The following PDE10A variants were observed in gnomAD, a reference collection of about 807,000 sequenced individuals.
The protein encoded by PDE10A is cAMP and cAMP-inhibited cGMP 3',5'-cyclic phosphodiesterase 10A.
A neutral mutation model predicts 97.7 loss-of-function variants in PDE10A; 39 were observed. The ratio of observed to expected loss-of-function variants is 0.40; its 90% CI spans 0.31 to 0.52. The LOEUF is 0.52. Ranked by LOEUF, PDE10A falls within the 20% of genes least tolerant of loss-of-function variation. The pLI is 0.56. For synonymous variants in PDE10A, 371 were observed against 376.8 expected, an observed-to-expected ratio of 0.98 and a Z score of 0.18; for missense variants, 731 against 1,047.8, an observed-to-expected ratio of 0.70 and a Z score of 4.17.
rs188612148 is a variant in PDE10A at position 165,762,763 on chromosome 6, T to G, written c.-614-219195A>C. ...TAACAAACAATTGTTCACTTTTCTC[T>G]GGGACATATATTTGGCTTTCTCTAG... On this transcript the variant is annotated intron_variant, in intron 1 of 19. Transcript: ENST00000366882. Among the ~76,000 whole-genome samples, 518 of 152,306 alleles carry G rather than the reference T, an allele frequency of 3.4e-3. 2 individuals carry two copies. Among genetic ancestry groups the G allele is most frequent in the Non-Finnish European group, 6.2e-3 (421 of 68,026 alleles).
chr6:165,532,958 A>T (rs903608889), intron 2 of PDE10A, among the ~76,000 whole-genome samples: 2 of 152,164 alleles, frequency 1.3e-5, no homozygotes, highest in Non-Finnish European at 2.9e-5. Flanking sequence ...CACAAGAAAT[A>T]CTACTCTGGT....
At chr6:165,452,782 TGTG>T (rs746462920) in intron 3 of PDE10A, among the ~76,000 whole-genome samples, 2 of 151,776 alleles carry the variant, frequency 1.3e-5, no homozygotes, top group East Asian at 3.9e-4. Context: ...TATCTAAAAA[TGTG>T]GAAGCAGCTT....
intron 1 of PDE10A, among the ~76,000 whole-genome samples, chr6:165,845,222 A>C (rs1296718623): frequency 6.6e-6 from 1 of 152,178 alleles, no homozygotes; most frequent in Non-Finnish European, 1.5e-5. Context: ...TGATCCACCA[A>C]GCTTCCAGTG....
At chr6:165,864,860 C>CA (rs1780997385) in intron 1 of PDE10A, among the ~76,000 whole-genome samples, 1 of 151,868 alleles carries the variant, frequency 6.6e-6, no homozygotes, top group Non-Finnish European at 1.5e-5. Context: ...CCTGTTTTCC[C>CA]AAAAACAAAA....
chr6:165,389,221 C>T (rs903999088), intron 16 of PDE10A, among the ~76,000 whole-genome samples: 2 of 152,140 alleles, frequency 1.3e-5, no homozygotes, highest in South Asian at 2.1e-4. Context: ...TATTATTACA[C>T]GGTTTTTAGC....
At position 165,655,295 on chromosome 6, in the gene PDE10A, C is replaced by T. The variant is rs1167392696; in HGVS notation, c.865+6652G>A. On this transcript the variant is annotated intron_variant, in intron 1 of 21. Coordinates refer to ENST00000539869, the MANE Select transcript of PDE10A (RefSeq NM_001385079.1). The surrounding 1 kb of genome is among the most constrained non-coding windows in gnomAD (Gnocchi z 4.5). ...ATCCTTTGGATCAAATCCTCCCAGG[C>T]TTTGTTTATCCAACTGCCTTCCTAG... Among the ~76,000 whole-genome samples the T allele has an allele frequency of 6.6e-6, 1 of 152,174 alleles. No individual in the cohort carries two copies. Among genetic ancestry groups the T allele is most frequent in the East Asian group, 1.9e-4 (1 of 5,182 alleles).
At chr6:165,832,866 C>T (rs1343030955) in intron 1 of PDE10A, among the ~76,000 whole-genome samples, 1 of 152,198 alleles carries the variant, frequency 6.6e-6, no homozygotes, top group Non-Finnish European at 1.5e-5. Flanking sequence ...TCCGGGTTAA[C>T]TCCTCCCTGC....
intron 1 of PDE10A, among the ~76,000 whole-genome samples, chr6:165,788,191 C>A (rs1778545220): frequency 6.6e-6 from 1 of 151,946 alleles, no homozygotes; most frequent in South Asian, 2.1e-4. Context: ...TAAAATGTAA[C>A]CTTTGTGTGG....
At chr6:165,794,235 C>T (rs1778754789) in intron 1 of PDE10A, among the ~76,000 whole-genome samples, 1 of 148,952 alleles carries the variant, frequency 6.7e-6, no homozygotes, top group Non-Finnish European at 1.5e-5. Context: ...ACACTCCCTC[C>T]CACACGCACA....
intron 18 of PDE10A, among the ~76,000 whole-genome samples, chr6:165,371,313 CA>C (rs1242130859): frequency 6.6e-6 from 1 of 151,806 alleles, no homozygotes; most frequent in Non-Finnish European, 1.5e-5. Flanking sequence ...AAAGGATCAA[CA>C]AAATTGATAG....
chr6:165,984,864 C>T (rs537860511), intron 1 of PDE10A, among the ~76,000 whole-genome samples: 82 of 152,324 alleles, frequency 5.4e-4, no homozygotes, highest in Non-Finnish European at 9.4e-4. Context: ...ATGCCCTTTC[C>T]GGGCATGGCC....
chr6:165,416,388 T>A, intron 11 of PDE10A, 107 bp from the exon 12 acceptor site: 1 of 751,520 alleles, frequency 1.3e-6, no homozygotes, highest in Non-Finnish European at 2.3e-6. Context: ...CTGTTTTACT[T>A]AAATGCGTGT....
At chr6:165,960,171 A>G (rs1784313752) in intron 1 of PDE10A, among the ~76,000 whole-genome samples, 1 of 152,226 alleles carries the variant, frequency 6.6e-6, no homozygotes, top group Non-Finnish European at 1.5e-5. Flanking sequence ...AACAGGTAAA[A>G]TCAATGAGAA....
chr6:165,385,788 C>A (rs1785263057), intron 17 of PDE10A, among the ~76,000 whole-genome samples: 1 of 152,162 alleles, frequency 6.6e-6, no homozygotes, highest in Non-Finnish European at 1.5e-5. Flanking sequence ...CTGTTTATGG[C>A]CCCAATATTA....
intron 1 of PDE10A, among the ~76,000 whole-genome samples, chr6:165,581,172 A>G (rs1481945838): frequency 6.6e-6 from 1 of 152,198 alleles, no homozygotes; most frequent in African/African-American, 2.4e-5. Context: ...TGTTAATTTA[A>G]ATCTTTCCTT....
chr6:165,828,798 T>C (rs1779829809), intron 1 of PDE10A, among the ~76,000 whole-genome samples: 1 of 152,156 alleles, frequency 6.6e-6, no homozygotes, highest in Non-Finnish European at 1.5e-5. Context: ...AAATGTCCCA[T>C]CAGAGTTCTG....
intron 18 of PDE10A, among the ~76,000 whole-genome samples, chr6:165,374,770 T>A (rs1784508873): frequency 6.6e-6 from 1 of 151,754 alleles, no homozygotes; most frequent in African/African-American, 2.4e-5. Flanking sequence ...TTTTTTTTTT[T>A]ACAAATTGAA....
At chr6:165,791,150 T>C (rs565706970) in intron 1 of PDE10A, among the ~76,000 whole-genome samples, 6 of 152,112 alleles carry the variant, frequency 3.9e-5, no homozygotes, top group Non-Finnish European at 8.8e-5. Context: ...GGTCTCACTA[T>C]GTTGTCCAGG....
chr6:165,386,195 C>G lies in PDE10A; in HGVS notation c.2610+2103G>C, dbSNP rs147863002. 5.7e-3 allele frequency among the ~76,000 whole-genome samples: 866 copies of G among 152,286 alleles called. 6 individuals carry two copies. Among genetic ancestry groups the G allele is most frequent in the Middle Eastern group, 0.024 (7 of 294 alleles). ...ATGGAGGCAAACCACCCTAAACCTC[C>G]ATTTTTGATGGCAGCAACTGGGCCA... On this transcript the variant is annotated intron_variant, in intron 17 of 21. Transcript: ENST00000539869.
Sources: gnomAD v4.1 joint callset for allele counts (sites outside exome capture counted in the v4.1 genomes callset) on GRCh38, gnomAD v4.1.1 for gene constraint, Gnocchi (gnomAD v3.1) non-coding constraint, MANE v1.5 for transcripts, NCBI Gene and HGNC (gene_info 2026-07-23, HGNC 2026-07-21) for gene names.